The following CSNK1G1 variants were observed in gnomAD, a reference collection of about 807,000 sequenced individuals.
CSNK1G1 encodes casein kinase 1 gamma 1.
Under a neutral mutation model 59.6 loss-of-function variants are expected in CSNK1G1, and 22 were observed. The observed-to-expected ratio is 0.37, with a 90% CI of 0.26 to 0.53. CSNK1G1 has a LOEUF of 0.53. CSNK1G1 is among the 20% of genes least tolerant of loss of function. The probability of loss-of-function intolerance (pLI) is 0.89; values close to 1 mark genes in which losing one functional copy is unlikely to be tolerated. For synonymous variants in CSNK1G1, 179 were observed against 177.1 expected (o/e 1.01, Z -0.08); for missense variants, 384 against 519.5 (o/e 0.74, Z 2.54).
intron 10 of CSNK1G1, among the ~76,000 whole-genome samples, chr15:64,182,670 G>A (rs1408241370): frequency 6.6e-6 from 1 of 152,184 alleles, no homozygotes; most frequent in Non-Finnish European, 1.5e-5. Flanking sequence ...ATATAATGAT[G>A]TCTGCAACTT....
At chr15:64,353,316 C>T (rs1228789771) in intron 1 of CSNK1G1, among the ~76,000 whole-genome samples, 3 of 152,102 alleles carry the variant, frequency 2.0e-5, no homozygotes, top group Admixed American at 2.0e-4. Context: ...ATAGGTGACA[C>T]ATAACTATAT....
chr15:64,197,663 C>T (rs2082054918), intron 10 of CSNK1G1, among the ~76,000 whole-genome samples: 1 of 152,208 alleles, frequency 6.6e-6, no homozygotes, highest in African/African-American at 2.4e-5. Flanking sequence ...AGGGAATTCA[C>T]TGCCTGCTTA....
chr15:64,305,283 A>C (rs1895613100), intron 1 of CSNK1G1, among the ~76,000 whole-genome samples: 1 of 152,216 alleles, frequency 6.6e-6, no homozygotes, highest in Non-Finnish European at 1.5e-5. Flanking sequence ...AACATTAAGC[A>C]AAAATGATAT....
chr15:64,304,584 A>T (rs992554837), intron 1 of CSNK1G1, among the ~76,000 whole-genome samples: 2 of 152,134 alleles, frequency 1.3e-5, no homozygotes, highest in Non-Finnish European at 2.9e-5. Context: ...CTCTACTTAA[A>T]TTCATGTAAA....
chr15:64,299,401 AC>A (rs1454864309), intron 2 of CSNK1G1, among the ~76,000 whole-genome samples: 14 of 152,052 alleles, frequency 9.2e-5, no homozygotes, highest in South Asian at 2.1e-4. Context: ...ATCCTGGCTA[AC>A]ATGGTGAAAC....
At chr15:64,335,446 C>T (rs1897339585) in intron 1 of CSNK1G1, among the ~76,000 whole-genome samples, 1 of 152,118 alleles carries the variant, frequency 6.6e-6, no homozygotes, top group African/African-American at 2.4e-5. Context: ...AATAACTGCA[C>T]TTTGGTAACA....
chr15:64,286,399 C>A (rs959921300), intron 2 of CSNK1G1, among the ~76,000 whole-genome samples: 252 of 133,482 alleles, frequency 1.9e-3, no homozygotes, highest in African/African-American at 6.8e-3. Flanking sequence ...ATTGTTAACT[C>A]ATATTGTTAA....
At position 64,300,622 on chromosome 15, in the gene CSNK1G1, CA is replaced by C; in HGVS notation, c.-124del. On this transcript the variant is annotated 5_prime_UTR_variant, in exon 2 of 12. It removes an upstream start codon present in the reference 5' UTR. Coordinates refer to ENST00000303052, the MANE Select transcript of CSNK1G1 (RefSeq NM_022048.5). ...GAAAGGTAAGGAGTTCTTTTAGCAC[CA>C]TATTTGTTTGTAATGTATCTCCGGG... 2.2e-6 allele frequency: 3 copies of C among 1,391,628 alleles called. No homozygotes were observed. The highest frequency in any genetic ancestry group is 2.8e-6 in the Non-Finnish European group (3 of 1,067,338). 86.2% of individuals were successfully genotyped at this position (1,391,628 alleles called of 1,614,324 possible). A position where few individuals can be genotyped will look rare whatever the true frequency, so the allele number is the denominator to read the frequency against.
At chr15:64,304,445 T>C (rs889420970) in intron 1 of CSNK1G1, among the ~76,000 whole-genome samples, 1 of 151,572 alleles carries the variant, frequency 6.6e-6, no homozygotes, top group Non-Finnish European at 1.5e-5. Context: ...AATGCTACTT[T>C]ATGTGGCATC....
intron 9 of CSNK1G1, among the ~76,000 whole-genome samples, chr15:64,203,733 A>C (rs970351826): frequency 1.3e-5 from 2 of 148,916 alleles, no homozygotes; most frequent in African/African-American, 2.5e-5. Flanking sequence ...TCCTCCACTG[A>C]TATCTGTTTG....
chr15:64,263,038 G>A (rs192513535), intron 2 of CSNK1G1, among the ~76,000 whole-genome samples: 1 of 131,478 alleles, frequency 7.6e-6, no homozygotes, highest in East Asian at 2.2e-4. Context: ...GAGATCACAC[G>A]ACTGCACTCC....
chr15:64,257,556 T>C (rs187594869), intron 3 of CSNK1G1, among the ~76,000 whole-genome samples: 33 of 152,308 alleles, frequency 2.2e-4, no homozygotes, highest in Non-Finnish European at 4.0e-4. Flanking sequence ...TATCACTCTG[T>C]CACCCAGGCT....
At chr15:64,225,426 T>C (rs143063513) in intron 4 of CSNK1G1, among the ~76,000 whole-genome samples, 2 of 152,256 alleles carry the variant, frequency 1.3e-5, no homozygotes, top group Non-Finnish European at 2.9e-5. Context: ...GGAATGGGAA[T>C]GTCTGGTTTT....
chr15:64,283,831 T>G (rs768259655), intron 2 of CSNK1G1, among the ~76,000 whole-genome samples: 2 of 152,212 alleles, frequency 1.3e-5, no homozygotes, highest in Non-Finnish European at 2.9e-5. Context: ...AAGTTTTAAA[T>G]TTTTATGAAA....
At chr15:64,189,478 G>C (rs975417928) in intron 10 of CSNK1G1, 4 of 1,244,564 alleles carry the variant, frequency 3.2e-6, no homozygotes, top group African/African-American at 3.1e-5. Flanking sequence ...CAGTCCTAAG[G>C]CTCTACAAAA....
chr15:64,338,740 G>A lies in CSNK1G1; in HGVS notation c.-225+17248C>T, dbSNP rs147735448. Among the ~76,000 whole-genome samples, 60 of 133,756 alleles carry A rather than the reference G, an allele frequency of 4.5e-4. 2 individuals carry two copies. The East Asian group carries it at 0.011, about 24-fold the overall frequency. 87.7% of individuals were successfully genotyped at this position (133,756 alleles called of 152,430 possible). A position where few individuals can be genotyped will look rare whatever the true frequency, so the allele number is the denominator to read the frequency against. On this transcript the variant is annotated intron_variant, in intron 1 of 11. Coordinates refer to ENST00000303052, the MANE Select transcript of CSNK1G1 (RefSeq NM_022048.5). Reference sequence around the variant, plus strand: ...AAAAAAAAAAAAAACACTTCTGGCCGGGCGCGATAGCTTACACCTGTAATC... The same window carrying A: ...AAAAAAAAAAAAAACACTTCTGGCCAGGCGCGATAGCTTACACCTGTAATC...
At chr15:64,265,946 T>G (rs941409614) in intron 2 of CSNK1G1, 2 of 414,852 alleles carry the variant, frequency 4.8e-6, no homozygotes, top group Non-Finnish European at 4.8e-6. Context: ...TAGCCAGGTG[T>G]AGGGGTAAGT....
intron 2 of CSNK1G1, among the ~76,000 whole-genome samples, chr15:64,277,476 T>C (rs1893697809): frequency 6.6e-6 from 1 of 151,110 alleles, no homozygotes; most frequent in Admixed American, 6.6e-5. Flanking sequence ...CATTCATTCA[T>C]ATGTACATAC....
chr15:64,272,802 G>A (rs1893394307), intron 2 of CSNK1G1, among the ~76,000 whole-genome samples: 1 of 152,108 alleles, frequency 6.6e-6, no homozygotes, highest in Admixed American at 6.6e-5. Flanking sequence ...CTGGAGTGCA[G>A]CGGTGCAATC....
Sources: allele counts gnomAD v4.1 joint callset (sites outside exome capture counted in the v4.1 genomes callset), GRCh38; gene constraint gnomAD v4.1.1; transcripts MANE v1.5; gene names NCBI Gene and HGNC (gene_info 2026-07-23, HGNC 2026-07-21).